The following AFDN variants were observed in gnomAD, a reference collection of about 807,000 sequenced individuals.
The protein encoded by AFDN is afadin, adherens junction formation factor, also known as afadin.
A neutral mutation model predicts 216.6 loss-of-function variants in AFDN; 68 were observed. The ratio of observed to expected loss-of-function variants is 0.31; its 90% CI spans 0.26 to 0.38. AFDN has a LOEUF of 0.38. Ranked by LOEUF, AFDN falls within the 10% of genes least tolerant of loss-of-function variation. The pLI is 1.00. For missense variants in AFDN, 2,136 were observed against 2,342.0 expected (o/e 0.91, Z 1.82); for synonymous variants, 868 against 853.7 (o/e 1.02, Z -0.29).
chr6:167,932,570 T>C (rs1793446556), intron 23 of AFDN: 1 of 152,202 alleles, frequency 6.6e-6, no homozygotes, highest in African/African-American at 2.4e-5. Flanking sequence ...TGGTTCTAGG[T>C]CGTGTTGATA....
rs1554238759 is a variant in AFDN at position 167,962,743 on chromosome 6, CCT to C, written c.4968+181_4968+182del. On this transcript the variant is annotated intron_variant, in intron 31 of 33. Transcript: ENST00000683244. The surrounding 1 kb of genome is among the most constrained non-coding windows in gnomAD (Gnocchi z 5.2). ...AACTTTACCCCATCTGGCCCACCTACCTCTCTTCTGGACTGTCTCCAGATCCC... is the reference window on the plus strand; with the variant it reads ...AACTTTACCCCATCTGGCCCACCTACCTCTTCTGGACTGTCTCCAGATCCC... 31 of 1,486,896 alleles carry C rather than the reference CCT, an allele frequency of 2.1e-5. No homozygotes were observed. The highest frequency in any genetic ancestry group is 2.8e-5 in the Non-Finnish European group (31 of 1,122,768). 92.1% of individuals were successfully genotyped at this position (1,486,896 alleles called of 1,614,324 possible).
chr6:167,911,234 C>G, intron 14 of AFDN, 50 bp from the exon 15 acceptor site: 2 of 1,600,192 alleles, frequency 1.2e-6, no homozygotes, highest in Non-Finnish European at 1.7e-6. Context: ...TTTTCACATT[C>G]GTTTTTATTC....
intron 1 of AFDN, 129 bp from the exon 2 acceptor site, chr6:167,864,422 A>G (rs2301530): frequency 0.87 from 770,099 of 887,812 alleles, 335,150 homozygotes; most frequent in Non-Finnish European, 0.89. Context: ...ATCTCTCTAC[A>G]TTAGTCTCAG....
intron 21 of AFDN, among the ~76,000 whole-genome samples, chr6:167,919,662 T>A (rs1466684613): frequency 2.6e-5 from 4 of 152,400 alleles, no homozygotes; most frequent in Non-Finnish European, 5.9e-5. Flanking sequence ...ACAACTGATT[T>A]CCTGGATTTT....
chr6:167,845,878 G>A (rs1641155311), intron 1 of AFDN, among the ~76,000 whole-genome samples: 1 of 152,166 alleles, frequency 6.6e-6, no homozygotes, highest in African/African-American at 2.4e-5. Flanking sequence ...CATGGCTGGG[G>A]AGACCTCAGG....
chr6:167,949,546 A>T (rs1795725125), intron 29 of AFDN, among the ~76,000 whole-genome samples: 1 of 152,136 alleles, frequency 6.6e-6, no homozygotes, highest in African/African-American at 2.4e-5. Context: ...CTGTTTTCCT[A>T]GGTGGGCCTG....
intron 1 of AFDN, among the ~76,000 whole-genome samples, chr6:167,837,814 C>T (rs1280517191): frequency 1.3e-5 from 2 of 152,000 alleles, no homozygotes; most frequent in Non-Finnish European, 2.9e-5. Context: ...TTGTAAAATC[C>T]AAAAATTTAA....
chr6:167,874,708 T>C (rs1038889132), intron 4 of AFDN, among the ~76,000 whole-genome samples: 3 of 150,604 alleles, frequency 2.0e-5, no homozygotes, highest in Non-Finnish European at 4.4e-5. Context: ...CTCCGCCTCC[T>C]GAGTTCAAGT....
intron 4 of AFDN, 130 bp from the exon 5 acceptor site, chr6:167,875,205 G>A (rs1440544999): frequency 5.4e-6 from 4 of 739,226 alleles, no homozygotes; most frequent in South Asian, 3.6e-5. Flanking sequence ...TAAATAGTAC[G>A]TAACAGACCT....
At chr6:167,918,129 G>A (rs1791335753) in intron 20 of AFDN, among the ~76,000 whole-genome samples, 1 of 152,196 alleles carries the variant, frequency 6.6e-6, no homozygotes, top group South Asian at 2.1e-4. Context: ...TGAACCTGGT[G>A]GTTGAGCTGG....
intron 1 of AFDN, among the ~76,000 whole-genome samples, chr6:167,828,116 G>C (rs1779407155): frequency 6.6e-6 from 1 of 152,186 alleles, no homozygotes; most frequent in Non-Finnish European, 1.5e-5. Context: ...TTCGGTGGCT[G>C]CACAGACTTT....
chr6:167,828,698 C>G (rs1178919183), intron 1 of AFDN, among the ~76,000 whole-genome samples: 1 of 144,798 alleles, frequency 6.9e-6, no homozygotes, highest in Non-Finnish European at 1.5e-5. Context: ...ATTCATTTTT[C>G]TTTTTATCAC....
chr6:167,944,204 G>T, intron 26 of AFDN, 145 bp downstream of exon 26: 1 of 588,566 alleles, frequency 1.7e-6, no homozygotes, highest in Non-Finnish European at 2.9e-6. Context: ...TCAGCATAGT[G>T]CCTGGGATTC....
At chr6:167,906,741 A>T (rs574352011) in intron 12 of AFDN, among the ~76,000 whole-genome samples, 1 of 152,340 alleles carries the variant, frequency 6.6e-6, no homozygotes, top group South Asian at 2.1e-4. Flanking sequence ...TTGAGCTATA[A>T]GGAGTAGGAT....
In AFDN at chr6:167,864,742, C is replaced by T. The variant is rs369401773; in HGVS notation, c.297C>T (p.Ser99=). The T allele has an allele frequency of 4.8e-5, 77 of 1,613,706 alleles. No homozygotes were observed. Among genetic ancestry groups the T allele is most frequent in the Middle Eastern group, 3.3e-4 (2 of 6,082 alleles). ...ATTCACTCTATGAAGTGCATGTCAG[C>T]GGAGGTCAGTGTATACAGGAAGGGT... ...PKYSLYEVHV[S]GERRLDIDEK... is the part of the protein sequence containing the mutation. The change falls in exon 2 of 34, where the codon AGC becomes AGT. Residue 99 remains serine (S), a synonymous_variant. Coordinates refer to ENST00000683244, the MANE Select transcript of AFDN (RefSeq NM_001386888.1).
intron 1 of AFDN, among the ~76,000 whole-genome samples, chr6:167,836,724 A>G (rs1780483515): frequency 1.3e-5 from 2 of 152,232 alleles, no homozygotes; most frequent in African/African-American, 4.8e-5. Context: ...TGTTATAGAT[A>G]GCATTACTAA....
At position 167,931,111 on chromosome 6, in the gene AFDN, G is replaced by A. The variant is rs536187025; in HGVS notation, c.3099+6020G>A. Among the ~76,000 whole-genome samples, 5 of 152,334 alleles carry A rather than the reference G, an allele frequency of 3.3e-5. No homozygotes were observed. The South Asian group carries it at 1.0e-3, about 32-fold the overall frequency. On this transcript the variant is annotated intron_variant, in intron 23 of 33. Coordinates refer to ENST00000683244, the MANE Select transcript of AFDN (RefSeq NM_001386888.1). ...ATCTTCTCTTGTCCACTATTGAAAG[G>A]TTGACAGTTTCTGGTTATGGTAGGT...
intron 23 of AFDN, among the ~76,000 whole-genome samples, chr6:167,939,314 C>T (rs1303863602): frequency 6.6e-6 from 1 of 152,194 alleles, no homozygotes; most frequent in African/African-American, 2.4e-5. Flanking sequence ...GGTGCCCATT[C>T]TCACTGACAG....
chr6:167,908,301 A>C (rs544148437), intron 13 of AFDN, among the ~76,000 whole-genome samples: 1 of 152,366 alleles, frequency 6.6e-6, no homozygotes, highest in Admixed American at 6.5e-5. Flanking sequence ...TTTTAATATC[A>C]TTCATCACCA....
Sources: gnomAD v4.1 joint callset for allele counts (sites outside exome capture counted in the v4.1 genomes callset) on GRCh38, gnomAD v4.1.1 for gene constraint, Gnocchi (gnomAD v3.1) non-coding constraint, MANE v1.5 for transcripts, NCBI Gene and HGNC (gene_info 2026-07-23, HGNC 2026-07-21) for gene names.